Variants in CLNK observed in about 807,000 individuals in gnomAD.
CLNK encodes cytokine dependent hematopoietic cell linker, also known as cytokine-dependent hematopoietic cell linker.
In CLNK, 74 loss-of-function variants were observed where a neutral mutation model predicts 68.6. The ratio of observed to expected loss-of-function variants is 1.08; its 90% CI spans 0.89 to 1.31. The LOEUF (loss-of-function observed/expected upper bound fraction) is 1.31, where lower values mean the gene tolerates loss of function less well. Ranked by LOEUF, CLNK falls within the 50% of genes most tolerant of loss-of-function variation. The pLI is 0.00. For missense variants in CLNK, 553 were observed against 515.3 expected, an observed-to-expected ratio of 1.07 and a Z score of -0.71; for synonymous variants, 198 against 172.2, an observed-to-expected ratio of 1.15 and a Z score of -1.17.
At chr4:10,631,748 G>A (rs984507752) in intron 2 of CLNK, among the ~76,000 whole-genome samples, 1 of 152,234 alleles carries the variant, frequency 6.6e-6, no homozygotes, top group Non-Finnish European at 1.5e-5. Context: ...TGTAGTGTCT[G>A]CCAATTAGAA....
chr4:10,699,266 C>CACACACACCACATACGTGTAT, the CLNK span, among the ~76,000 whole-genome samples: 8 of 66,034 alleles, frequency 1.2e-4, 1 homozygote, highest in African/African-American at 4.7e-4. Context: ...TGTGTGTATA[C>CACACACACCACATACGTGTAT]ACACACACAC....
At chr4:10,694,191 T>C in the CLNK span, among the ~76,000 whole-genome samples, 1 of 151,506 alleles carries the variant, frequency 6.6e-6, no homozygotes, top group Non-Finnish European at 1.5e-5. Context: ...CAGCCAAATA[T>C]ACCGCCTCTT....
chr4:10,672,068 A>G (rs1724667064), intron 1 of CLNK, among the ~76,000 whole-genome samples: 1 of 152,226 alleles, frequency 6.6e-6, no homozygotes, highest in Non-Finnish European at 1.5e-5. Flanking sequence ...TGCGACAAAA[A>G]TGCACCAAGA....
intron 2 of CLNK, among the ~76,000 whole-genome samples, chr4:10,650,929 C>T (rs777943249): frequency 4.6e-5 from 7 of 151,958 alleles, no homozygotes; most frequent in Admixed American, 1.3e-4. Context: ...GACATTTATG[C>T]GGTCAACAAA....
At chr4:10,593,745 T>A (rs1577153601) in intron 3 of CLNK, among the ~76,000 whole-genome samples, 1 of 152,144 alleles carries the variant, frequency 6.6e-6, no homozygotes, top group East Asian at 1.9e-4. Flanking sequence ...CCTGAGAAAT[T>A]ATGGCTGCCT....
intron 8 of CLNK, among the ~76,000 whole-genome samples, chr4:10,554,386 G>A (rs886754900): frequency 3.3e-5 from 5 of 152,176 alleles, no homozygotes; most frequent in African/African-American, 9.7e-5. Context: ...TTATTTGGGG[G>A]ATAGAAATTT....
At chr4:10,528,251 C>CG (rs1718400935) in intron 12 of CLNK, among the ~76,000 whole-genome samples, 157 bp from the exon 13 acceptor site, 1 of 152,116 alleles carries the variant, frequency 6.6e-6, no homozygotes, top group Non-Finnish European at 1.5e-5. Context: ...AATAATTCTT[C>CG]ATAAAACTAA....
chr4:10,520,767 T>G (rs1277109563), intron 15 of CLNK, 24 bp downstream of exon 15: 3 of 1,582,184 alleles, frequency 1.9e-6, no homozygotes, highest in Non-Finnish European at 2.6e-6. Flanking sequence ...CCTGTTTATT[T>G]TATAATTCTG....
chr4:10,513,593 A>G lies in CLNK; in HGVS notation c.777T>C (p.His259=), dbSNP rs773233835. 1.3e-6 allele frequency: 2 copies of G among 1,596,866 alleles called. No homozygotes were observed. The highest frequency in any genetic ancestry group is 2.3e-5 in the South Asian group (2 of 87,794). ...TSNHSVQNRD[H]RGGMQPCSPQ... ...GAGAACAGGGCTGCATGCCTCCTCT[A>G]TGATCTGGAAAGGTTAAATTCACAT... Residue 259 remains histidine, a synonymous_variant, in exon 16 of 19, where the codon CAT becomes CAC. Transcript: ENST00000226951.
rs950224025 is a variant in CLNK, at chr4:10,489,224, GT to G, written c.*1242del. 7 of 152,130 alleles carry G rather than the reference GT, an allele frequency of 4.6e-5. No homozygotes were observed. Among genetic ancestry groups the G allele is most frequent in the African/African-American group, 4.8e-5 (2 of 41,424 alleles). The allele number at this position is 152,130 out of a possible 1,614,324, so 9.4% of individuals were successfully genotyped here. On this transcript the variant is annotated 3_prime_UTR_variant, in exon 19 of 19. Transcript: ENST00000226951. ...AGATCAATAGCTACTTCGAGCCTCT[GT>G]TTCCTCATCTTTATTGTAAAACAAT...
At chr4:10,531,386 C>T (rs1718531998) in intron 12 of CLNK, 1 of 153,198 alleles carries the variant, frequency 6.5e-6, no homozygotes, top group African/African-American at 2.4e-5. Flanking sequence ...ATCACATCAA[C>T]TTTGCACAGA....
At chr4:10,666,377 C>T (rs995126173) in intron 2 of CLNK, among the ~76,000 whole-genome samples, 1 of 152,168 alleles carries the variant, frequency 6.6e-6, no homozygotes, top group African/African-American at 2.4e-5. Flanking sequence ...CACGTTTATC[C>T]CCAGTGCTAA....
At chr4:10,492,522 T>A (rs1056817561) in intron 18 of CLNK, among the ~76,000 whole-genome samples, 1 of 152,166 alleles carries the variant, frequency 6.6e-6, no homozygotes, top group Non-Finnish European at 1.5e-5. Context: ...ATAATTTCAT[T>A]TAGAGCTATG....
chr4:10,633,444 C>G (rs987791555), intron 2 of CLNK, among the ~76,000 whole-genome samples: 1 of 152,208 alleles, frequency 6.6e-6, no homozygotes, highest in Non-Finnish European at 1.5e-5. Context: ...TACTCTGTGC[C>G]AGATGATAGG....
At chr4:10,647,445 G>T (rs1723554507) in intron 2 of CLNK, among the ~76,000 whole-genome samples, 1 of 152,162 alleles carries the variant, frequency 6.6e-6, no homozygotes, top group African/African-American at 2.4e-5. Flanking sequence ...AGTTCTGCCA[G>T]CAGAATCTGT....
intron 16 of CLNK, among the ~76,000 whole-genome samples, chr4:10,509,749 C>T (rs1172000161): frequency 6.6e-6 from 1 of 152,154 alleles, no homozygotes; most frequent in Non-Finnish European, 1.5e-5. Context: ...TGGTCTCAAA[C>T]TCCTGACCTC....
chr4:10,690,250 A>G, the CLNK span, among the ~76,000 whole-genome samples: 2 of 152,116 alleles, frequency 1.3e-5, no homozygotes, highest in Non-Finnish European at 2.9e-5. Context: ...TGGCCCAACC[A>G]CCCTGACTAA....
intron 2 of CLNK, 21 bp from the exon 3 acceptor site, chr4:10,598,070 T>C: frequency 6.6e-7 from 1 of 1,517,462 alleles, no homozygotes. Context: ...AGAAAATAAA[T>C]TATAGCTGGG....
intron 2 of CLNK, among the ~76,000 whole-genome samples, chr4:10,640,386 G>A (rs1034242996): frequency 6.6e-6 from 1 of 152,178 alleles, no homozygotes; most frequent in Non-Finnish European, 1.5e-5. Flanking sequence ...GGCTGGTCTC[G>A]AACTCCTGAC....
Sources: gnomAD v4.1 joint callset for allele counts (sites outside exome capture counted in the v4.1 genomes callset) on GRCh38, gnomAD v4.1.1 for gene constraint, MANE v1.5 for transcripts, NCBI Gene and HGNC (gene_info 2026-07-23, HGNC 2026-07-21) for gene names.